Variants in GIPC2 observed in about 807,000 individuals in gnomAD.
GIPC2 encodes PDZ domain-containing protein GIPC2.
A neutral mutation model predicts 30.6 loss-of-function variants in GIPC2; 30 were observed. The ratio of observed to expected loss-of-function variants is 0.98; its 90% CI spans 0.73 to 1.33. The LOEUF (loss-of-function observed/expected upper bound fraction) is 1.33, where lower values mean the gene tolerates loss of function less well. Ranked by LOEUF, GIPC2 falls within the 40% of genes most tolerant of loss-of-function variation. The pLI is 0.00. For synonymous variants in GIPC2, 167 were observed against 150.0 expected (o/e 1.11, Z -0.83); for missense variants, 414 against 390.3 (o/e 1.06, Z -0.51).
At chr1:78,123,259 CA>C (rs757371953) in intron 4 of GIPC2, among the ~76,000 whole-genome samples, 2 of 52,130 alleles carry the variant, frequency 3.8e-5, no homozygotes, top group Non-Finnish European at 3.6e-5. Flanking sequence ...GACTCCATCT[CA>C]AAAAAAAAAA....
chr1:78,119,525 T>G, intron 4 of GIPC2, 26 bp downstream of exon 4: 1 of 1,356,188 alleles, frequency 7.4e-7, no homozygotes, highest in South Asian at 1.2e-5. Flanking sequence ...TTACTTCCTG[T>G]TCTGCTTGGA....
intron 3 of GIPC2, among the ~76,000 whole-genome samples, chr1:78,111,679 A>G (rs1010359927): frequency 5.9e-5 from 9 of 152,220 alleles, no homozygotes; most frequent in Admixed American, 4.6e-4. Flanking sequence ...GCAGAAGCAA[A>G]TTATAAACTC....
intron 5 of GIPC2, 68 bp from the exon 6 acceptor site, chr1:78,135,524 T>C: frequency 1.1e-6 from 1 of 890,850 alleles, no homozygotes; most frequent in Non-Finnish European, 1.7e-6. Flanking sequence ...AATTTTCCTG[T>C]TGCCATTTTT....
intron 2 of GIPC2, among the ~76,000 whole-genome samples, chr1:78,089,548 G>A (rs1040455565): frequency 2.0e-5 from 3 of 152,104 alleles, no homozygotes; most frequent in African/African-American, 7.2e-5. Flanking sequence ...TAGAGACAAG[G>A]TTTTGCCATG....
chr1:78,128,432 T>A, intron 5 of GIPC2, among the ~76,000 whole-genome samples: 1 of 152,164 alleles, frequency 6.6e-6, no homozygotes, highest in East Asian at 1.9e-4. Flanking sequence ...AAGATCTAAC[T>A]AGGAATAAAG....
chr1:78,057,714 G>C (rs942510928), intron 1 of GIPC2, among the ~76,000 whole-genome samples: 1 of 152,194 alleles, frequency 6.6e-6, no homozygotes, highest in Non-Finnish European at 1.5e-5. Flanking sequence ...ATTTAGGCAT[G>C]TTCAATCTTA....
At chr1:78,121,700 T>A (rs1276254730) in intron 4 of GIPC2, among the ~76,000 whole-genome samples, 1 of 152,056 alleles carries the variant, frequency 6.6e-6, no homozygotes, top group East Asian at 1.9e-4. Context: ...AAAGGAGATA[T>A]GATGAGGTAT....
rs1008126915 is a variant in GIPC2, at chr1:78,138,358, A to T, written c.*2615A>T. 4 of 152,248 alleles carry T rather than the reference A, an allele frequency of 2.6e-5. No homozygotes were observed. Among genetic ancestry groups the T allele is most frequent in the Admixed American group, 2.0e-4 (3 of 15,286 alleles). The allele number at this position is 152,248 out of a possible 1,614,324, so 9.4% of individuals were successfully genotyped here. A position where few individuals can be genotyped will look rare whatever the true frequency, so the allele number is the denominator to read the frequency against. On this transcript the variant is annotated 3_prime_UTR_variant, in exon 6 of 6. Transcript: ENST00000370759. The stretch of plus-strand genomic sequence containing the variant: ...ACATCCAATATTGTGACTGAAAATT[A>T]ACTAAAGAGAGATAATTTTTCAAAT...
rs1662109374 is a variant in GIPC2, at chr1:78,094,969, T to C, written c.444T>C (p.Gly148=). Reference sequence around the variant, plus strand: ...CCTTTCAGAGAATTAAAGATGGTGGTGTTATTGACTCAGTTAAAACAATCT... The same window carrying C: ...CCTTTCAGAGAATTAAAGATGGTGGCGTTATTGACTCAGTTAAAACAATCT... ...YAFIKRIKDG[G]VIDSVKTICV... The change falls in exon 3 of 6, where the codon GGT becomes GGC. Residue 148 remains glycine (G), a synonymous_variant. Transcript: ENST00000370759. The C allele has an allele frequency of 1.9e-6, 3 of 1,593,062 alleles. No individual in the cohort carries two copies. The highest frequency in any genetic ancestry group is 2.6e-6 in the Non-Finnish European group (3 of 1,161,356).
At chr1:78,105,828 G>A (rs1371369882) in intron 3 of GIPC2, among the ~76,000 whole-genome samples, 1 of 151,968 alleles carries the variant, frequency 6.6e-6, no homozygotes, top group Non-Finnish European at 1.5e-5. Context: ...TTTTTACAAC[G>A]GGAATTGTCA....
chr1:78,065,624 C>T (rs1005170342), intron 1 of GIPC2, among the ~76,000 whole-genome samples: 4 of 151,974 alleles, frequency 2.6e-5, no homozygotes, highest in Non-Finnish European at 2.9e-5. Context: ...AAGTTGGAGA[C>T]GTCATGTTAT....
intron 1 of GIPC2, among the ~76,000 whole-genome samples, chr1:78,074,068 A>G (rs1173343597): frequency 5.3e-5 from 8 of 152,332 alleles, no homozygotes; most frequent in South Asian, 4.1e-4. Context: ...GAGAAATGCA[A>G]TCTATCCTGG....
At chr1:78,086,739 C>T (rs1357849372) in intron 2 of GIPC2, among the ~76,000 whole-genome samples, 1 of 151,970 alleles carries the variant, frequency 6.6e-6, no homozygotes, top group Non-Finnish European at 1.5e-5. Flanking sequence ...TGAAACAAAA[C>T]AGGGATAGGA....
At chr1:78,095,281 C>A in intron 3 of GIPC2, 149 bp downstream of exon 3, 1 of 562,622 alleles carries the variant, frequency 1.8e-6, no homozygotes, top group Non-Finnish European at 3.2e-6. Flanking sequence ...AATGGTAGCA[C>A]TACTTATAAG....
chr1:78,122,289 G>T (rs569390609), intron 4 of GIPC2, among the ~76,000 whole-genome samples: 64 of 152,248 alleles, frequency 4.2e-4, no homozygotes, highest in African/African-American at 1.5e-3. Flanking sequence ...AACACTTTAA[G>T]AATTTAAAGG....
intron 1 of GIPC2, among the ~76,000 whole-genome samples, chr1:78,072,844 G>T (rs148885394): frequency 6.6e-6 from 1 of 151,830 alleles, no homozygotes; most frequent in Non-Finnish European, 1.5e-5. Flanking sequence ...TTGCTCTGTC[G>T]CCCAGGCTGG....
At position 78,117,930 on chromosome 1, in the gene GIPC2, TTC is replaced by T. The variant is rs904178770; in HGVS notation, c.608-1451_608-1450del. 2.6e-4 allele frequency among the ~76,000 whole-genome samples: 39 copies of T among 151,932 alleles called. 1 individual carries two copies. Among genetic ancestry groups the T allele is most frequent in the South Asian group, 2.3e-3 (11 of 4,800 alleles). ...CTGAGTATCCTCTTTCTTTCCTTCT[TTC>T]TCTCTCTCTCTTTTCTTTTCTTTTC... On this transcript the variant is annotated intron_variant, in intron 3 of 5. Coordinates refer to ENST00000370759, the MANE Select transcript of GIPC2 (RefSeq NM_017655.6).
At chr1:78,091,469 C>T (rs1662036682) in intron 2 of GIPC2, 1 of 639,732 alleles carries the variant, frequency 1.6e-6, no homozygotes, top group Non-Finnish European at 2.9e-6. Flanking sequence ...GCTGGCTCTA[C>T]CTTCCCTGTT....
At chr1:78,087,978 G>A (rs2100361264) in intron 2 of GIPC2, among the ~76,000 whole-genome samples, 1 of 152,110 alleles carries the variant, frequency 6.6e-6, no homozygotes, top group Middle Eastern at 3.4e-3. Context: ...CACACATGTG[G>A]CCAACAATAA....
Sources: gnomAD v4.1 joint callset for allele counts (sites outside exome capture counted in the v4.1 genomes callset) on GRCh38, gnomAD v4.1.1 for gene constraint, MANE v1.5 for transcripts, NCBI Gene and HGNC (gene_info 2026-07-23, HGNC 2026-07-21) for gene names.